CLIC2: variants seen among roughly 807,000 people sequenced by gnomAD.
CLIC2 encodes the protein chloride intracellular channel protein 2.
In CLIC2, 9 loss-of-function variants were observed where a neutral mutation model predicts 14.8. The ratio of observed to expected loss-of-function variants is 0.61; its 90% CI spans 0.37 to 1.06. The LOEUF (loss-of-function observed/expected upper bound fraction) is 1.06. Ranked by LOEUF, CLIC2 falls within the 50% of genes least tolerant of loss-of-function variation. CLIC2 has a pLI of 0.01. For missense variants in CLIC2, 148 were observed against 181.4 expected (o/e 0.82, Z 1.06); for synonymous variants, 61 against 66.3 (o/e 0.92, Z 0.39).
chrX:155,303,105 G>A (rs1353506284), intron 1 of CLIC2, among the ~76,000 whole-genome samples: 2 of 96,610 alleles, frequency 2.1e-5, no homozygotes, highest in Non-Finnish European at 4.2e-5. Flanking sequence ...TCCCCTTGGT[G>A]CAGAGCCGAG....
At chrX:155,300,353 T>C (rs782480153) in intron 1 of CLIC2, among the ~76,000 whole-genome samples, 1,800 of 110,322 alleles carry the variant, frequency 0.016, 50 homozygotes, top group African/African-American at 0.057. Flanking sequence ...TTTCATGTGT[T>C]TTTTGGCTGC....
chrX:155,281,277 T>C (rs1347157468), intron 3 of CLIC2, among the ~76,000 whole-genome samples: 4 of 108,940 alleles, frequency 3.7e-5, no homozygotes, highest in Non-Finnish European at 7.6e-5. Context: ...AATGAGTAAG[T>C]CTAGAGATAT....
chrX:155,291,185 T>C, intron 3 of CLIC2: 2 of 994,628 alleles, frequency 2.0e-6, no homozygotes, highest in Non-Finnish European at 2.9e-6. Context: ...AGCACAGTTG[T>C]TTGTCCTCCA....
chrX:155,299,659 C>T (rs1469752784), intron 1 of CLIC2, among the ~76,000 whole-genome samples: 1 of 107,275 alleles, frequency 9.3e-6, no homozygotes, highest in African/African-American at 3.4e-5. Flanking sequence ...ATGTGCCATG[C>T]TGGTGCGCTG....
chrX:155,330,583 G>A (rs995802408), intron 1 of CLIC2, among the ~76,000 whole-genome samples: 6 of 111,706 alleles, frequency 5.4e-5, no homozygotes, highest in Non-Finnish European at 1.1e-4. Context: ...ATAATGAAGT[G>A]AAGTGTAAAA....
intron 5 of CLIC2, among the ~76,000 whole-genome samples, chrX:155,278,341 C>T (rs781839127): frequency 2.6e-4 from 29 of 111,648 alleles, no homozygotes; most frequent in South Asian, 7.4e-4. Context: ...ACATATCCAC[C>T]ACGACTAGAC....
chrX:155,327,902 C>CA (rs1194850056), intron 1 of CLIC2, among the ~76,000 whole-genome samples: 1 of 111,423 alleles, frequency 9.0e-6, no homozygotes, highest in Non-Finnish European at 1.9e-5. Context: ...GAATGAAGAA[C>CA]AAAAACCTCA....
At chrX:155,318,897 A>C (rs781989794) in intron 1 of CLIC2, among the ~76,000 whole-genome samples, 14 of 112,067 alleles carry the variant, frequency 1.2e-4, no homozygotes, top group African/African-American at 4.5e-4. Flanking sequence ...AGAACCCAGA[A>C]ATATAGCCAA....
chrX:155,321,012 GA>G (rs782648491), intron 1 of CLIC2, among the ~76,000 whole-genome samples: 1 of 111,513 alleles, frequency 9.0e-6, no homozygotes, highest in Non-Finnish European at 1.9e-5. Context: ...CAAGATTAGA[GA>G]AAAAAGAATG....
intron 1 of CLIC2, among the ~76,000 whole-genome samples, chrX:155,313,197 C>CAAAAA (rs59429236): frequency 2.8e-4 from 9 of 32,649 alleles, no homozygotes; most frequent in East Asian, 9.0e-4. Context: ...ATAAATAAGG[C>CAAAAA]AAAAAAAAAA....
At chrX:155,309,268 T>C (rs2075065878) in intron 1 of CLIC2, among the ~76,000 whole-genome samples, 1 of 111,881 alleles carries the variant, frequency 8.9e-6, no homozygotes, top group Non-Finnish European at 1.9e-5. Flanking sequence ...ATTGTGCCAC[T>C]GCACTCCAGC....
intron 5 of CLIC2, 37 bp downstream of exon 5, chrX:155,279,112 C>G: frequency 1.7e-6 from 2 of 1,165,267 alleles, no homozygotes; most frequent in Non-Finnish European, 2.3e-6. Flanking sequence ...ACTGGCAAAC[C>G]CCTCCCACCC....
Position 155,277,909 on chromosome X carries a change from C to G in CLIC2, c.738G>C (p.Lys246Asn). The change falls in exon 6 of 6, where the codon AAG (lysine) becomes AAC (asparagine). Residue 246 changes from lysine to asparagine, a missense_variant. Coordinates refer to ENST00000369449, the MANE Select transcript of CLIC2 (RefSeq NM_001289.6). ...GTCTCCTGTAAGAGCTCTCCTAACTCTTCTGTTTAGCCACATTTGCGTAAG... is the reference window on the plus strand; with the variant it reads ...GTCTCCTGTAAGAGCTCTCCTAACTGTTCTGTTTAGCCACATTTGCGTAAG... ...ENTYANVAKQ[K>N]S 1 of 1,208,248 alleles carries G rather than the reference C, an allele frequency of 8.3e-7. No homozygotes were observed. Among genetic ancestry groups the G allele is most frequent in the South Asian group, 1.8e-5 (1 of 56,882 alleles).
intron 5 of CLIC2, among the ~76,000 whole-genome samples, chrX:155,278,467 G>A (rs1187113402): frequency 8.9e-6 from 1 of 111,993 alleles, no homozygotes; most frequent in Non-Finnish European, 1.9e-5. Flanking sequence ...TTAAATTTAT[G>A]ATTAATTCAT....
chrX:155,290,801 A>G (rs2074961662), intron 3 of CLIC2: 2 of 626,516 alleles, frequency 3.2e-6, no homozygotes, highest in Non-Finnish European at 5.5e-6. Flanking sequence ...GCTGTTATTT[A>G]TTTTTTCCAA....
intron 3 of CLIC2, among the ~76,000 whole-genome samples, chrX:155,282,247 C>G (rs2074922494): frequency 8.9e-6 from 1 of 111,802 alleles, no homozygotes; most frequent in African/African-American, 3.3e-5. Flanking sequence ...AAGCCTTTCT[C>G]TGGACGCTCA....
chrX:155,308,649 A>G (rs782386466), intron 1 of CLIC2, among the ~76,000 whole-genome samples: 2 of 112,328 alleles, frequency 1.8e-5, no homozygotes, highest in South Asian at 7.4e-4. Context: ...TAAAGAAAGG[A>G]TCTTAAAGCA....
In CLIC2 at chrX:155,299,807, A is replaced by C. The variant is rs1175231956; in HGVS notation, c.58-662T>G. On this transcript the variant is annotated intron_variant, in intron 1 of 5. Transcript: ENST00000369449. ...TGATCTCATTGTTCAATTCCCACCTATGAGTGAGAATATGCGGTGTTTGGT... is the reference window on the plus strand; with the variant it reads ...TGATCTCATTGTTCAATTCCCACCTCTGAGTGAGAATATGCGGTGTTTGGT... Among the ~76,000 whole-genome samples the C allele has an allele frequency of 5.4e-5, 5 of 92,132 alleles. No individual in the cohort carries two copies. The South Asian group carries it at 1.8e-3, about 33-fold the overall frequency. The allele number at this position is 92,132 out of a possible 115,157, so 80.0% of individuals were successfully genotyped here. A position where few individuals can be genotyped will look rare whatever the true frequency, so the allele number is the denominator to read the frequency against.
intron 1 of CLIC2, among the ~76,000 whole-genome samples, chrX:155,305,655 T>C (rs2075052847): frequency 8.9e-6 from 1 of 112,893 alleles, no homozygotes; most frequent in Non-Finnish European, 1.9e-5. Flanking sequence ...GGCCATTTCC[T>C]TATTTTGTGA....
Sources: gnomAD v4.1 joint callset for allele counts (sites outside exome capture counted in the v4.1 genomes callset) on GRCh38, gnomAD v4.1.1 for gene constraint, MANE v1.5 for transcripts, NCBI Gene and HGNC (gene_info 2026-07-23, HGNC 2026-07-21) for gene names.